NLRP14: variants seen among roughly 807,000 people sequenced by gnomAD.
The protein encoded by NLRP14 is NACHT, LRR and PYD domains-containing protein 14.
Under a neutral mutation model 94.7 loss-of-function variants are expected in NLRP14, and 105 were observed. The ratio of observed to expected loss-of-function variants is 1.11; its 90% CI spans 0.95 to 1.30. NLRP14 has a LOEUF of 1.30. Ranked by LOEUF, NLRP14 falls within the 50% of genes most tolerant of loss-of-function variation. NLRP14 has a pLI of 0.00. For missense variants in NLRP14, 1,362 were observed against 1,254.1 expected, an observed-to-expected ratio of 1.09 and a Z score of -1.30; for synonymous variants, 508 against 459.9, an observed-to-expected ratio of 1.10 and a Z score of -1.34.
chr11:7,046,086 GTATT>G (rs1312481135), intron 4 of NLRP14, among the ~76,000 whole-genome samples: 1 of 152,050 alleles, frequency 6.6e-6, no homozygotes, highest in African/African-American at 2.4e-5. Context: ...AAATTATAAA[GTATT>G]TAAAGTTTAC....
rs1352534866 is a variant in NLRP14, at chr11:7,038,724, C to T, written c.138C>T (p.Pro46=). ...TGGAACCTGAGCATGGCCTGACACC[C>T]TGGAATGAAGTGAAGAAGGCCAGGC... is the stretch of plus-strand genomic sequence containing the variant. ...ETMEPEHGLT[P]WNEVKKARRE... is the part of the protein sequence containing the mutation. Residue 46 remains proline (P), a synonymous_variant, in exon 2 of 12, where the codon CCC becomes CCT. Transcript: ENST00000299481. 2 of 1,613,918 alleles carry T rather than the reference C, an allele frequency of 1.2e-6. No individual in the cohort carries two copies. The highest frequency in any genetic ancestry group is 2.2e-5 in the South Asian group (2 of 91,082).
chr11:7,057,650 T>C, intron 6 of NLRP14, 27 bp from the exon 7 acceptor site: 4 of 1,607,242 alleles, frequency 2.5e-6, no homozygotes, highest in South Asian at 1.1e-5. Context: ...GGAGTGGTCA[T>C]TCCTGCTTTT....
intron 10 of NLRP14, among the ~76,000 whole-genome samples, chr11:7,068,456 G>T (rs1473674924): frequency 6.6e-6 from 1 of 151,978 alleles, no homozygotes; most frequent in Non-Finnish European, 1.5e-5. Context: ...AACTTCCCTA[G>T]AACTTTTTTC....
chr11:7,047,769 T>C (rs1467042996), intron 5 of NLRP14, among the ~76,000 whole-genome samples: 1 of 105,882 alleles, frequency 9.4e-6, no homozygotes, highest in Non-Finnish European at 1.9e-5. Flanking sequence ...TTTTCTTTTC[T>C]TTTTTTTTTT....
At position 7,060,065 on chromosome 11, in the gene NLRP14, G is replaced by A. The variant is rs1387881196; in HGVS notation, c.2804+1G>A. 1.2e-6 allele frequency: 2 copies of A among 1,611,668 alleles called. No individual in the cohort carries two copies. The highest frequency in any genetic ancestry group is 3.3e-5 in the Admixed American group (2 of 59,922). On this transcript the variant is annotated splice_donor_variant, in intron 9 of 11. Coordinates refer to ENST00000299481, the MANE Select transcript of NLRP14 (RefSeq NM_176822.4). LOFTEE classifies it high-confidence loss of function. ...CAAGCTGTAATCTTCAGGACTTGGAGTAGGTTTTCTGTTGCTTTACTTTTG... is the reference window on the plus strand; with the variant it reads ...CAAGCTGTAATCTTCAGGACTTGGAATAGGTTTTCTGTTGCTTTACTTTTG...
chr11:7,042,533 T>C lies in NLRP14; in HGVS notation c.507T>C (p.Asp169=). The C allele has an allele frequency of 6.2e-7, 1 of 1,614,234 alleles. No homozygotes were observed. The change falls in exon 4 of 12, where the codon GAT becomes GAC. Residue 169 remains aspartate, a synonymous_variant. Transcript: ENST00000299481. ...TGTTGGAACACTTGTTCGATGTGGA[T>C]GTCAAAACCGGTGCACAGCCACAGA... The part of the protein sequence containing the change: ...RKLLEHLFDV[D]VKTGAQPQIV...
intron 6 of NLRP14, among the ~76,000 whole-genome samples, chr11:7,056,627 G>A (rs1455805389): frequency 6.6e-6 from 1 of 150,838 alleles, no homozygotes; most frequent in Admixed American, 6.6e-5. Context: ...ATTTAAAAAT[G>A]TTTTCAGTAC....
At chr11:7,022,789 T>C (rs1329977621) in intron 1 of NLRP14, among the ~76,000 whole-genome samples, 1 of 152,082 alleles carries the variant, frequency 6.6e-6, no homozygotes. Flanking sequence ...TGGCAATAAA[T>C]AGAGATATAG....
intron 4 of NLRP14, among the ~76,000 whole-genome samples, chr11:7,044,420 T>C (rs1383366230): frequency 6.6e-6 from 1 of 152,176 alleles, no homozygotes; most frequent in African/African-American, 2.4e-5. Context: ...ACAGGTTATC[T>C]CTCTGTATTA....
intron 1 of NLRP14, among the ~76,000 whole-genome samples, chr11:7,027,364 G>A (rs1365648260): frequency 6.6e-6 from 1 of 151,990 alleles, no homozygotes; most frequent in African/African-American, 2.4e-5. Flanking sequence ...AGTTTAGTGA[G>A]GGCCACTTCC....
the NLRP14 span, chr11:7,089,854 A>C: frequency 6.2e-7 from 1 of 1,612,050 alleles, no homozygotes; most frequent in Non-Finnish European, 8.5e-7. Flanking sequence ...GATTACGGCC[A>C]CTCCAGTGTC....
intron 6 of NLRP14, among the ~76,000 whole-genome samples, chr11:7,055,162 G>C (rs930311337): frequency 3.3e-5 from 5 of 151,580 alleles, no homozygotes; most frequent in Non-Finnish European, 7.4e-5. Flanking sequence ...TATCATTGTG[G>C]TAAAACCAAA....
Position 7,059,959 on chromosome 11 carries a change from A to G in NLRP14, c.2699A>G (p.Lys900Arg). 1 of 1,612,764 alleles carries G rather than the reference A, an allele frequency of 6.2e-7. No homozygotes were observed. Among genetic ancestry groups the G allele is most frequent in the Non-Finnish European group, 8.5e-7 (1 of 1,178,982 alleles). ...CTGTCAACTTCTCTTCTACACAACA[A>G]GAGCCTGACGCATCTGGATCTAGGA... Reference protein sequence around the residue: ...EYLSTSLLHNKSLTHLDLGSN... With the variant: ...EYLSTSLLHNRSLTHLDLGSN... Residue 900 changes from lysine to arginine, a missense_variant, in exon 9 of 12, where the codon AAG becomes AGG. Physicochemically the swap from Lys to Arg is conservative, Grantham distance 26. Transcript: ENST00000299481.
chr11:7,029,299 A>T (rs1296582110), intron 1 of NLRP14, among the ~76,000 whole-genome samples: 3 of 152,238 alleles, frequency 2.0e-5, no homozygotes, highest in African/African-American at 7.2e-5. Context: ...ATGTCATTTA[A>T]AGTATATTAA....
chr11:7,029,874 T>C (rs1450412965), intron 1 of NLRP14, among the ~76,000 whole-genome samples: 3 of 152,194 alleles, frequency 2.0e-5, no homozygotes, highest in Admixed American at 6.5e-5. Context: ...TTCTGGTTGT[T>C]ATTGAGGTTG....
intron 1 of NLRP14, among the ~76,000 whole-genome samples, chr11:7,033,180 TC>T (rs892059651): frequency 1.3e-5 from 2 of 152,218 alleles, no homozygotes; most frequent in Non-Finnish European, 2.9e-5. Context: ...TTGGATCTTT[TC>T]AAGTGCTTAG....
chr11:7,042,140 C>T (rs1852261860), intron 3 of NLRP14, among the ~76,000 whole-genome samples: 1 of 151,634 alleles, frequency 6.6e-6, no homozygotes. Context: ...GTTTTTATTT[C>T]CCATCACAAA....
At chr11:7,054,877 C>G (rs1451460808) in intron 6 of NLRP14, among the ~76,000 whole-genome samples, 1 of 152,074 alleles carries the variant, frequency 6.6e-6, no homozygotes, top group East Asian at 1.9e-4. Context: ...AAATCTTTGC[C>G]CAGTCCAATG....
Position 7,071,373 on chromosome 11 carries a change from C to CA in NLRP14, c.*66dup. 1 of 1,383,836 alleles carries CA rather than the reference C, an allele frequency of 7.2e-7. No individual in the cohort carries two copies. The highest frequency in any genetic ancestry group is 1.0e-6 in the Non-Finnish European group (1 of 993,314). 85.7% of individuals were successfully genotyped at this position (1,383,836 alleles called of 1,614,324 possible). A position where few individuals can be genotyped will look rare whatever the true frequency, so the allele number is the denominator to read the frequency against. On this transcript the variant is annotated 3_prime_UTR_variant, in exon 12 of 12. Transcript: ENST00000299481. ...ATACATACATACATAGATATATACC[C>CA]AGACTTGGGTGCTTAGCTTCAGATA...
Sources: allele counts gnomAD v4.1 joint callset (sites outside exome capture counted in the v4.1 genomes callset), GRCh38; gene constraint gnomAD v4.1.1; transcripts MANE v1.5; gene names NCBI Gene and HGNC (gene_info 2026-07-23, HGNC 2026-07-21).